Variants in ZZEF1 observed in about 807,000 individuals in gnomAD.
ZZEF1 encodes the protein zinc finger ZZ-type and EF-hand domain containing 1.
A neutral mutation model predicts 342.8 loss-of-function variants in ZZEF1; 157 were observed. That is an observed-to-expected ratio of 0.46 (90% confidence interval 0.40 to 0.52). The LOEUF is 0.52. ZZEF1 is among the 20% of genes least tolerant of loss of function. ZZEF1 has a pLI of 0.00. For missense variants in ZZEF1, 3,480 were observed against 3,725.6 expected, an observed-to-expected ratio of 0.93 and a Z score of 1.72; for synonymous variants, 1,505 against 1,429.1, an observed-to-expected ratio of 1.05 and a Z score of -1.20.
chr17:4,099,466 C>A (rs2058090567), intron 9 of ZZEF1, among the ~76,000 whole-genome samples: 1 of 152,094 alleles, frequency 6.6e-6, no homozygotes, highest in Non-Finnish European at 1.5e-5. Context: ...AGGAAATCCT[C>A]CCACCTCTGC....
intron 1 of ZZEF1, among the ~76,000 whole-genome samples, chr17:4,135,994 C>CTTT (rs1294710719): frequency 9.5e-6 from 1 of 104,832 alleles, no homozygotes; most frequent in African/African-American, 2.8e-5. Flanking sequence ...CTGATATTTT[C>CTTT]TCTTTTTTTT....
In ZZEF1 at chr17:4,034,920, C is replaced by T. The variant is rs944288379; in HGVS notation, c.6307-628G>A. On this transcript the variant is annotated intron_variant, in intron 39 of 54. Transcript: ENST00000381638. ...GGCTGAGGTGAGAGGATTGCTTGAG[C>T]CCAGGAGGTGGAGGCTGCAGTGAGC... Among the ~76,000 whole-genome samples, 4 of 152,254 alleles carry T rather than the reference C, an allele frequency of 2.6e-5. No homozygotes were observed. In the South Asian group the frequency reaches 8.3e-4, roughly 32 times the overall value.
intron 42 of ZZEF1, among the ~76,000 whole-genome samples, chr17:4,029,573 G>A (rs1460867149): frequency 6.6e-6 from 1 of 152,004 alleles, no homozygotes; most frequent in Non-Finnish European, 1.5e-5. Flanking sequence ...TATTGCCAAG[G>A]AAGAAAGGTC....
At chr17:4,137,398 C>T (rs539216295) in intron 1 of ZZEF1, among the ~76,000 whole-genome samples, 57 of 152,272 alleles carry the variant, frequency 3.7e-4, no homozygotes, top group African/African-American at 1.3e-3. Flanking sequence ...ATCACAAGGT[C>T]AGGAGATCGA....
At chr17:4,123,517 G>A (rs2058523985) in intron 2 of ZZEF1, among the ~76,000 whole-genome samples, 1 of 151,740 alleles carries the variant, frequency 6.6e-6, no homozygotes, top group Admixed American at 6.6e-5. Context: ...TGCCCTCGTG[G>A]AACTATAGTA....
At chr17:4,061,596 G>A (rs564051561) in intron 30 of ZZEF1, among the ~76,000 whole-genome samples, 1 of 152,110 alleles carries the variant, frequency 6.6e-6, no homozygotes, top group African/African-American at 2.4e-5. Flanking sequence ...AGCTTAACGT[G>A]GCCAAAACAA....
At chr17:4,081,298 G>A (rs2145330562) in intron 18 of ZZEF1, 78 bp downstream of exon 18, 3 of 1,170,452 alleles carry the variant, frequency 2.6e-6, no homozygotes, top group South Asian at 2.5e-5. Context: ...AAGAGGCAAA[G>A]GGGGGCACAA....
intron 1 of ZZEF1, among the ~76,000 whole-genome samples, chr17:4,138,977 T>A (rs1308179636): frequency 6.7e-6 from 1 of 150,016 alleles, no homozygotes; most frequent in South Asian, 2.1e-4. Context: ...ATGGTCCAAC[T>A]CCAAGAACTT....
chr17:4,076,616 T>G, intron 21 of ZZEF1, 21 bp downstream of exon 21: 1 of 1,599,448 alleles, frequency 6.3e-7, no homozygotes, highest in Non-Finnish European at 8.5e-7. Flanking sequence ...ACGGGGCGGC[T>G]CAAGTGCTGA....
At chr17:4,026,293 C>G (rs137945873) in intron 42 of ZZEF1, among the ~76,000 whole-genome samples, 2 of 152,118 alleles carry the variant, frequency 1.3e-5, no homozygotes, top group African/African-American at 4.8e-5. Flanking sequence ...ACATAATGGT[C>G]AAAAATTTTC....
intron 2 of ZZEF1, among the ~76,000 whole-genome samples, chr17:4,122,773 G>C (rs1050734669): frequency 6.6e-6 from 1 of 152,066 alleles, no homozygotes; most frequent in African/African-American, 2.4e-5. Flanking sequence ...GTTACCTGTG[G>C]TCAATAAAGA....
intron 52 of ZZEF1, among the ~76,000 whole-genome samples, chr17:4,010,612 C>A (rs771535713): frequency 1.3e-5 from 2 of 148,514 alleles, no homozygotes; most frequent in African/African-American, 2.5e-5. Flanking sequence ...GTAATCCCAG[C>A]TACTAGGGAG....
At chr17:4,125,647 C>T (rs150331771) in intron 1 of ZZEF1, among the ~76,000 whole-genome samples, 129 of 152,290 alleles carry the variant, frequency 8.5e-4, no homozygotes, top group African/African-American at 3.0e-3. Flanking sequence ...TCTTTTTCTA[C>T]TCTGACTAGA....
chr17:4,101,411 CA>C (rs144815122), intron 9 of ZZEF1, among the ~76,000 whole-genome samples: 2,609 of 152,224 alleles, frequency 0.017, 73 homozygotes, highest in African/African-American at 0.06. Context: ...AGATTCAAAT[CA>C]GTCCAGTGAG....
At position 4,016,872 on chromosome 17, in the gene ZZEF1, T is replaced by C. The variant is rs1160880102; in HGVS notation, c.8002-406A>G. On this transcript the variant is annotated intron_variant, in intron 48 of 54. Coordinates refer to ENST00000381638, the MANE Select transcript of ZZEF1 (RefSeq NM_015113.4). The surrounding 1 kb of genome is among the most constrained non-coding windows in gnomAD (Gnocchi z 4.4). ...CAAGAACTGTGGGAGGACACGCCTA[T>C]GCAAGGGCCTAGTAGAGGCAGGGTG... 1.5e-5 allele frequency: 3 copies of C among 195,430 alleles called. No individual in the cohort carries two copies. The highest frequency in any genetic ancestry group is 3.2e-5 in the Non-Finnish European group (3 of 94,540). The allele number at this position is 195,430 out of a possible 1,614,324, so 12.1% of individuals were successfully genotyped here.
chr17:4,015,077 C>A (rs1203046866), intron 49 of ZZEF1, among the ~76,000 whole-genome samples: 1 of 152,192 alleles, frequency 6.6e-6, no homozygotes, highest in Non-Finnish European at 1.5e-5. Context: ...GTGAGGCTTG[C>A]ACAGTGTAGC....
intron 41 of ZZEF1, 93 bp downstream of exon 41, chr17:4,032,735 T>C: frequency 7.5e-7 from 1 of 1,341,154 alleles, no homozygotes; most frequent in Non-Finnish European, 1.0e-6. Context: ...CAAAGAGATC[T>C]ATGCCTATAT....
At chr17:4,088,969 T>C in intron 12 of ZZEF1, 76 bp from the exon 13 acceptor site, 1 of 1,371,460 alleles carries the variant, frequency 7.3e-7, no homozygotes, top group Non-Finnish European at 1.0e-6. Context: ...AAAAGGCCTT[T>C]CCGGGAAGGT....
At chr17:4,060,382 T>TG (rs751948177) in intron 30 of ZZEF1, among the ~76,000 whole-genome samples, 2 of 152,048 alleles carry the variant, frequency 1.3e-5, no homozygotes, top group Non-Finnish European at 2.9e-5. Flanking sequence ...CTGGCCAACA[T>TG]GGGGAAACCC....
Sources: allele counts gnomAD v4.1 joint callset (sites outside exome capture counted in the v4.1 genomes callset), GRCh38; gene constraint gnomAD v4.1.1; non-coding constraint Gnocchi (gnomAD v3.1); transcripts MANE v1.5; gene names NCBI Gene and HGNC (gene_info 2026-07-23, HGNC 2026-07-21).